Variants in BTG4 observed in about 807,000 individuals in gnomAD.
The protein encoded by BTG4 is protein BTG4.
BTG4 carries 10 observed loss-of-function variants against 19.3 expected under a neutral mutation model. The observed-to-expected ratio is 0.52, with a 90% confidence interval of 0.32 to 0.88. The LOEUF (loss-of-function observed/expected upper bound fraction) is 0.88, where lower values mean the gene tolerates loss of function less well. BTG4 is among the 40% of genes least tolerant of loss of function. The pLI is 0.04. For synonymous variants in BTG4, 91 were observed against 95.7 expected, an observed-to-expected ratio of 0.95 and a Z score of 0.29; for missense variants, 238 against 281.9, an observed-to-expected ratio of 0.84 and a Z score of 1.11.
At chr11:111,506,934 A>C (rs1199828596) in intron 1 of BTG4, among the ~76,000 whole-genome samples, 1 of 151,588 alleles carries the variant, frequency 6.6e-6, no homozygotes, top group Non-Finnish European at 1.5e-5. Context: ...TAGAGGAGCT[A>C]AGAGCAGAAA....
the BTG4 span, among the ~76,000 whole-genome samples, chr11:111,437,828 C>T: frequency 6.6e-6 from 1 of 152,204 alleles, no homozygotes. Context: ...AGCTACTCAG[C>T]CTTCCTGGGT....
chr11:111,397,419 TA>T, the BTG4 span, among the ~76,000 whole-genome samples: 1 of 152,136 alleles, frequency 6.6e-6, no homozygotes, highest in South Asian at 2.1e-4. Flanking sequence ...TTGCAGTTCT[TA>T]AAATTTCCAC....
At chr11:111,408,996 G>A in the BTG4 span, among the ~76,000 whole-genome samples, 1 of 152,200 alleles carries the variant, frequency 6.6e-6, no homozygotes, top group Non-Finnish European at 1.5e-5. Context: ...ACTCTGAGTC[G>A]AGTTGAAAAG....
At chr11:111,475,622 T>C (rs1420811053) in intron 5 of BTG4, among the ~76,000 whole-genome samples, 1 of 152,040 alleles carries the variant, frequency 6.6e-6, no homozygotes, top group Non-Finnish European at 1.5e-5. Flanking sequence ...TACAACACCA[T>C]CACATGAATT....
intron 5 of BTG4, among the ~76,000 whole-genome samples, chr11:111,473,645 G>A (rs1463984182): frequency 6.6e-6 from 1 of 152,114 alleles, no homozygotes; most frequent in Non-Finnish European, 1.5e-5. Context: ...AGAGAGCATA[G>A]AGCATTGGTC....
downstream of BTG4, among the ~76,000 whole-genome samples, chr11:111,491,609 G>A (rs1288445481): frequency 6.6e-6 from 1 of 151,708 alleles, no homozygotes; most frequent in Admixed American, 6.6e-5. Flanking sequence ...TTAGCCAGGT[G>A]CCTGTAGTCC....
chr11:111,444,052 G>A, the BTG4 span, among the ~76,000 whole-genome samples: 1 of 152,092 alleles, frequency 6.6e-6, no homozygotes, highest in Non-Finnish European at 1.5e-5. Flanking sequence ...ATTTTTTATG[G>A]GGAGATGGAA....
At chr11:111,463,916 C>T (rs539664124), downstream of BTG4, among the ~76,000 whole-genome samples, 13 of 152,302 alleles carry the variant, frequency 8.5e-5, no homozygotes, top group South Asian at 1.0e-3. Flanking sequence ...CTGCCATGGA[C>T]TTCATGGGCA....
the BTG4 span, among the ~76,000 whole-genome samples, chr11:111,461,240 C>T: frequency 6.6e-6 from 1 of 152,140 alleles, no homozygotes; most frequent in Admixed American, 6.6e-5. Context: ...TTGTTAGAAG[C>T]CAAGAAATTT....
the BTG4 span, among the ~76,000 whole-genome samples, chr11:111,391,795 C>G: frequency 2.0e-5 from 3 of 152,208 alleles, no homozygotes; most frequent in African/African-American, 7.2e-5. Flanking sequence ...GCTTTGGCAA[C>G]AGTGTGAAGA....
chr11:111,420,286 A>G, the BTG4 span, among the ~76,000 whole-genome samples: 1 of 152,168 alleles, frequency 6.6e-6, no homozygotes, highest in Non-Finnish European at 1.5e-5. Flanking sequence ...CTTCAACCTC[A>G]TCCTGAAATT....
At chr11:111,452,935 G>A in the BTG4 span, among the ~76,000 whole-genome samples, 3 of 152,130 alleles carry the variant, frequency 2.0e-5, no homozygotes, top group African/African-American at 7.2e-5. Context: ...AGTTGAGGAG[G>A]GGGTACGCAG....
At chr11:111,437,138 C>A in the BTG4 span, among the ~76,000 whole-genome samples, 1 of 152,116 alleles carries the variant, frequency 6.6e-6, no homozygotes, top group Non-Finnish European at 1.5e-5. Flanking sequence ...GCAGCCCCCA[C>A]CCTCAGAAGA....
intron 1 of BTG4, among the ~76,000 whole-genome samples, chr11:111,511,642 T>A (rs1468022813): frequency 6.6e-6 from 1 of 152,220 alleles, no homozygotes; most frequent in Non-Finnish European, 1.5e-5. Context: ...TCCTGATTAA[T>A]TCATTAAAGG....
downstream of BTG4, among the ~76,000 whole-genome samples, chr11:111,493,335 T>A (rs1254273322): frequency 6.6e-6 from 1 of 152,200 alleles, no homozygotes; most frequent in African/African-American, 2.4e-5. Context: ...ACAGTTACTG[T>A]TGTTAGTAGA....
At chr11:111,412,030 C>A in the BTG4 span, among the ~76,000 whole-genome samples, 9 of 152,096 alleles carry the variant, frequency 5.9e-5, no homozygotes, top group Admixed American at 2.0e-4. Context: ...GAGAAGGCAA[C>A]GGTGTCAAAT....
At chr11:111,467,591 T>G in exon 6 of BTG4, 1 of 714,334 alleles carries the variant, frequency 1.4e-6, no homozygotes, top group South Asian at 1.6e-5. Flanking sequence ...TCTTCTCATC[T>G]TCCTGCCATG....
the BTG4 span, among the ~76,000 whole-genome samples, chr11:111,425,612 C>A: frequency 6.6e-6 from 1 of 152,108 alleles, no homozygotes; most frequent in Middle Eastern, 3.4e-3. Context: ...CTGTAGTAAC[C>A]CAGATGAGAG....
intron 1 of BTG4, among the ~76,000 whole-genome samples, chr11:111,502,268 G>C (rs781231262): frequency 5.3e-5 from 8 of 151,908 alleles, no homozygotes; most frequent in African/African-American, 1.7e-4. Flanking sequence ...CACCACGCCC[G>C]GCCAAGACAT....
Sources: allele counts gnomAD v4.1 joint callset (sites outside exome capture counted in the v4.1 genomes callset), GRCh38; gene constraint gnomAD v4.1.1; transcripts MANE v1.5; gene names NCBI Gene and HGNC (gene_info 2026-07-23, HGNC 2026-07-21).